The following AATK variants were observed in gnomAD, a reference collection of about 807,000 sequenced individuals.
AATK encodes serine/threonine-protein kinase LMTK1.
A neutral mutation model predicts 114.3 loss-of-function variants in AATK; 91 were observed. That is an observed-to-expected ratio of 0.80 (90% CI 0.67 to 0.95). The LOEUF is 0.95. AATK is among the 40% of genes least tolerant of loss of function. The pLI, the probability that AATK is intolerant of heterozygous loss-of-function variation, is 0.00. For missense variants in AATK, 2,176 were observed against 1,965.2 expected, an observed-to-expected ratio of 1.11 and a Z score of -2.03; for synonymous variants, 1,075 against 916.5, an observed-to-expected ratio of 1.17 and a Z score of -3.12.
chr17:81,141,917 CTCCTTCCTTCCTTCCT>C (rs72007585), intron 1 of AATK, among the ~76,000 whole-genome samples: 39,757 of 132,006 alleles, frequency 0.3, 5,688 homozygotes, highest in Non-Finnish European at 0.32. Flanking sequence ...CTTTCTCCCT[CTCCTTCCTTCCTTCCT>C]TCCTTCCTTC....
At position 81,126,639 on chromosome 17, in the gene AATK, C is replaced by A; in HGVS notation, c.622-79G>T. 6.7e-7 allele frequency: 1 copy of A among 1,487,900 alleles called. No homozygotes were observed. Among genetic ancestry groups the A allele is most frequent in the Non-Finnish European group, 9.0e-7 (1 of 1,111,770 alleles). The allele number at this position is 1,487,900 out of a possible 1,614,324, so 92.2% of individuals were successfully genotyped here. A position where few individuals can be genotyped will look rare whatever the true frequency, so the allele number is the denominator to read the frequency against. On this transcript the variant is annotated intron_variant, in intron 6 of 13. Coordinates refer to ENST00000326724, the MANE Select transcript of AATK (RefSeq NM_001080395.3). This position sits in a 1 kb window ranked among gnomAD's most constrained non-coding sequence, Gnocchi z 5.1. ...GGGAGGTCCCCACCTACCTCCCCAACTCCTCCACCCCTACCCACAGCTGAG... is the reference window on the plus strand; with the variant it reads ...GGGAGGTCCCCACCTACCTCCCCAAATCCTCCACCCCTACCCACAGCTGAG...
intron 1 of AATK, among the ~76,000 whole-genome samples, chr17:81,134,851 C>G (rs1002347105): frequency 1.6e-4 from 24 of 152,348 alleles, no homozygotes; most frequent in African/African-American, 5.8e-4. Flanking sequence ...TCCCAGTCAC[C>G]CCACCTTGCC....
At chr17:81,119,641 T>C (rs1392033124) in intron 12 of AATK, 61 bp from the exon 13 acceptor site, 1 of 1,295,922 alleles carries the variant, frequency 7.7e-7, no homozygotes, top group Non-Finnish European at 1.0e-6. Context: ...CCGGCCCCGC[T>C]CCCACAGTCA....
chr17:81,141,168 C>T (rs907792878), intron 1 of AATK, among the ~76,000 whole-genome samples: 3 of 152,136 alleles, frequency 2.0e-5, no homozygotes, highest in South Asian at 2.1e-4. Flanking sequence ...AAGTGACTTT[C>T]GGCCGGGCGC....
Position 81,120,285 on chromosome 17 carries a change from C to G in AATK, c.3651G>C (p.Leu1217=), listed in dbSNP as rs775018366. ...LRSLLKMPSL[L]SETFCEDLER... ...CCAGGTCCTCGCAGAAGGTCTCGGA[C>G]AGCAGGCTGGGCATCTTGAGCAGGC... Residue 1217 remains leucine, a synonymous_variant, in exon 11 of 14, where the codon CTG becomes CTC. Coordinates refer to ENST00000326724, the MANE Select transcript of AATK (RefSeq NM_001080395.3). 22 of 1,608,742 alleles carry G rather than the reference C, an allele frequency of 1.4e-5. No homozygotes were observed. Among genetic ancestry groups the G allele is most frequent in the Middle Eastern group, 3.3e-4 (2 of 6,074 alleles).
chr17:81,158,087 G>T (rs558892235), intron 1 of AATK, among the ~76,000 whole-genome samples: 1 of 152,208 alleles, frequency 6.6e-6, no homozygotes, highest in Non-Finnish European at 1.5e-5. Context: ...GGGCGGCCGG[G>T]CGTCGCGGAT....
At position 81,131,131 on chromosome 17, in the gene AATK, G is replaced by A. The variant is rs769377644; in HGVS notation, c.264C>T (p.Asn88=). The A allele has an allele frequency of 4.7e-5, 74 of 1,568,422 alleles. No individual in the cohort carries two copies. Among genetic ancestry groups the A allele is most frequent in the Non-Finnish European group, 5.7e-5 (66 of 1,157,428 alleles). ...AQGSPATAAQ[N]GPDVYVLPLT... ...GTGGCAGGACGTACACGTCGGGCCC[G>A]TTCTGTGCTGCCGTGGCCGGGGAGC... is the stretch of plus-strand genomic sequence containing the variant. The change falls in exon 3 of 14, where the codon AAC becomes AAT. Residue 88 remains asparagine, a synonymous_variant. Coordinates refer to ENST00000326724, the MANE Select transcript of AATK (RefSeq NM_001080395.3).
chr17:81,120,679 G>A lies in AATK; in HGVS notation c.3257C>T (p.Pro1086Leu), dbSNP rs777088304. Residue 1086 changes from proline (P) to leucine (L), a missense_variant, in exon 11 of 14, where the codon CCA becomes CTA. This residue lies in a region of AATK where 1,701 missense variants were observed against 1,394.7 expected (regional missense o/e 1.22). Coordinates refer to ENST00000326724, the MANE Select transcript of AATK (RefSeq NM_001080395.3). ...LVPEPPEPQG[P>L]AKVRPGPSPS... ...GCTGGGCCCAGGCCGCACCTTGGCTGGGCCTTGGGGCTCCGGAGGCTCTGG... is the reference window on the plus strand; with the variant it reads ...GCTGGGCCCAGGCCGCACCTTGGCTAGGCCTTGGGGCTCCGGAGGCTCTGG... 4.0e-6 allele frequency: 6 copies of A among 1,513,160 alleles called. No individual in the cohort carries two copies. The highest frequency in any genetic ancestry group is 2.6e-5 in the South Asian group (2 of 76,148). 93.7% of individuals were successfully genotyped at this position (1,513,160 alleles called of 1,614,324 possible).
chr17:81,133,956 T>C (rs1320884089), intron 2 of AATK, among the ~76,000 whole-genome samples: 5 of 152,126 alleles, frequency 3.3e-5, no homozygotes, highest in Non-Finnish European at 5.9e-5. Flanking sequence ...CCTTTGCAGA[T>C]TGAATTCGGA....
chr17:81,123,426 G>T (rs2060727973), intron 9 of AATK, 83 bp from the exon 10 acceptor site: 78 of 1,236,782 alleles, frequency 6.3e-5, no homozygotes, highest in Non-Finnish European at 8.0e-5. Context: ...CGCCGAATGG[G>T]GCAGCTCCCG....
At chr17:81,127,696 G>C (rs2146314198) in intron 5 of AATK, 26 bp from the exon 6 acceptor site, 1 of 1,551,350 alleles carries the variant, frequency 6.4e-7, no homozygotes, top group African/African-American at 1.4e-5. Context: ...GGCGGCCCCT[G>C]ACTTGGGAGG....
Position 81,126,407 on chromosome 17 carries a change from TG to T in AATK, c.755+19del. The T allele has an allele frequency of 3.9e-6, 6 of 1,548,942 alleles. No homozygotes were observed. The highest frequency in any genetic ancestry group is 5.2e-6 in the Non-Finnish European group (6 of 1,145,080). On this transcript the variant is annotated intron_variant, in intron 7 of 13. Coordinates refer to ENST00000326724, the MANE Select transcript of AATK (RefSeq NM_001080395.3). This position sits in a 1 kb window ranked among gnomAD's most constrained non-coding sequence, Gnocchi z 5.1. ...GCCTGGCCTAGGGCTTCCCGGCCGC[TG>T]GCCCGCGCCCGCCCTCACCTGTGCA...
chr17:81,127,438 G>A, intron 6 of AATK, 145 bp downstream of exon 6: 6 of 787,996 alleles, frequency 7.6e-6, no homozygotes, highest in Non-Finnish European at 1.3e-5. Flanking sequence ...CGCCTCCTCT[G>A]GAAGGTGGTG....
chr17:81,162,310 C>T (rs2146424722), intron 1 of AATK, among the ~76,000 whole-genome samples: 1 of 152,166 alleles, frequency 6.6e-6, no homozygotes, highest in African/African-American at 2.4e-5. Flanking sequence ...GGGGGATGGG[C>T]CGAACTCATG....
chr17:81,137,983 C>G (rs547280173), intron 1 of AATK, among the ~76,000 whole-genome samples: 1 of 150,942 alleles, frequency 6.6e-6, no homozygotes, highest in Non-Finnish European at 1.5e-5. Flanking sequence ...GACACCCACA[C>G]GCGTGCACAC....
chr17:81,140,958 C>T (rs1368567892), intron 1 of AATK, among the ~76,000 whole-genome samples: 4 of 110,256 alleles, frequency 3.6e-5, no homozygotes, highest in Non-Finnish European at 7.3e-5. Context: ...CCGTGGGGAC[C>T]GTGAGCCGTG....
intron 1 of AATK, among the ~76,000 whole-genome samples, chr17:81,142,634 A>C (rs2061155185): frequency 6.6e-6 from 1 of 152,216 alleles, no homozygotes; most frequent in South Asian, 2.1e-4. Context: ...GGGAGCTGGC[A>C]GGGGACCAAG....
At chr17:81,138,317 GCA>G (rs748263485) in intron 1 of AATK, among the ~76,000 whole-genome samples, 6 of 135,180 alleles carry the variant, frequency 4.4e-5, no homozygotes, top group Non-Finnish European at 7.9e-5. Flanking sequence ...CCACACACGT[GCA>G]CACATACCCA....
In AATK at chr17:81,119,383, T is replaced by A. The variant is rs2060657592; in HGVS notation, c.4081A>T (p.Arg1361Ter). Reference sequence around the variant, plus strand: ...CACAGCCCCGCCCAGGCCTCACCTCTCTTGGACTCGGCGTCCGAGTCAGAC... The same window carrying A: ...CACAGCCCCGCCCAGGCCTCACCTCACTTGGACTCGGCGTCCGAGTCAGAC... ...HVSDSDAESKRGPEAGAGGES... is the reference protein window; with the variant it reads ...HVSDSDAESK Residue 1361 changes from arginine (R) to a stop codon, truncating the protein, a stop_gained, in exon 13 of 14, where the codon AGA (arginine) becomes TGA (stop). Transcript: ENST00000326724. LOFTEE classifies it high-confidence loss of function. The A allele has an allele frequency of 6.5e-7, 1 of 1,539,154 alleles. No homozygotes were observed. The highest frequency in any genetic ancestry group is 8.7e-7 in the Non-Finnish European group (1 of 1,149,070).
Sources: allele counts gnomAD v4.1 joint callset (sites outside exome capture counted in the v4.1 genomes callset), GRCh38; gene constraint gnomAD v4.1.1; regional missense constraint gnomAD v4.1.1; non-coding constraint Gnocchi (gnomAD v3.1); transcripts MANE v1.5; gene names NCBI Gene and HGNC (gene_info 2026-07-23, HGNC 2026-07-21).